ARHGAP32: variants seen among roughly 807,000 people sequenced by gnomAD.
The protein encoded by ARHGAP32 is rho GTPase-activating protein 32.
A neutral mutation model predicts 186.5 loss-of-function variants in ARHGAP32; 51 were observed. The ratio of observed to expected loss-of-function variants is 0.27; its 90% confidence interval spans 0.22 to 0.35. The LOEUF (loss-of-function observed/expected upper bound fraction) is 0.35. ARHGAP32 is among the 10% of genes least tolerant of loss of function. ARHGAP32 has a pLI of 1.00. For missense variants in ARHGAP32, 2,186 were observed against 2,623.5 expected (o/e 0.83, Z 3.64); for synonymous variants, 950 against 964.3 (o/e 0.99, Z 0.27).
intron 1 of ARHGAP32, among the ~76,000 whole-genome samples, chr11:129,212,531 A>T (rs1944594253): frequency 6.6e-6 from 1 of 152,194 alleles, no homozygotes; most frequent in African/African-American, 2.4e-5. Flanking sequence ...TACCAATATC[A>T]CTATACTAAC....
chr11:129,171,754 T>C (rs567217855), intron 1 of ARHGAP32, among the ~76,000 whole-genome samples: 14 of 152,304 alleles, frequency 9.2e-5, no homozygotes, highest in Non-Finnish European at 1.8e-4. Flanking sequence ...TATAAATTAC[T>C]TCAGGCAGTA....
rs60434028 is a variant in ARHGAP32, at chr11:129,060,336, C to CATAGATAGATAG, written c.963+1932_963+1943dup. 5.7e-3 allele frequency among the ~76,000 whole-genome samples: 849 copies of CATAGATAGATAG among 148,540 alleles called. 7 individuals are homozygous for CATAGATAGATAG. The highest frequency in any genetic ancestry group is 6.0e-3 in the Non-Finnish European group (406 of 67,334). ...CAAATGACTTCCCTAAGGTGTTACA[C>CATAGATAGATAG]ATAGATAGATAGATAGATAGATAGA... On this transcript the variant is annotated intron_variant, in intron 10 of 22. Transcript: ENST00000682385.
At chr11:129,151,797 C>T (rs1400231967) in intron 2 of ARHGAP32, among the ~76,000 whole-genome samples, 2 of 152,024 alleles carry the variant, frequency 1.3e-5, no homozygotes, top group Admixed American at 6.6e-5. Flanking sequence ...TCTAAGGTCA[C>T]ACCTCAAGGA....
intron 11 of ARHGAP32, among the ~76,000 whole-genome samples, chr11:129,011,798 AG>A (rs1938098627): frequency 6.6e-6 from 1 of 152,118 alleles, no homozygotes; most frequent in Non-Finnish European, 1.5e-5. Context: ...ACCTACTGAT[AG>A]GGAGTAATCT....
At chr11:128,976,698 C>T (rs558800570) in intron 19 of ARHGAP32, 64 bp from the exon 20 acceptor site, 19 of 1,384,810 alleles carry the variant, frequency 1.4e-5, no homozygotes, top group African/African-American at 1.3e-4. Context: ...TTAATGGGAT[C>T]GGTGTTTTTC....
chr11:129,248,388 T>C (rs1005914431), intron 1 of ARHGAP32, among the ~76,000 whole-genome samples: 1 of 152,198 alleles, frequency 6.6e-6, no homozygotes, highest in African/African-American at 2.4e-5. Flanking sequence ...TTTTTATTTA[T>C]GTCTTGGCTC....
In ARHGAP32 at chr11:129,013,802, G is replaced by A. The variant is rs974065764; in HGVS notation, c.1046-15334C>T. ...ACACAAGCACTGATCCCCACCTGTTGCTTTCCTGTTCAATATTACTAGTTA... is the reference window on the plus strand; with the variant it reads ...ACACAAGCACTGATCCCCACCTGTTACTTTCCTGTTCAATATTACTAGTTA... On this transcript the variant is annotated intron_variant, in intron 11 of 22. Coordinates refer to ENST00000682385, the MANE Select transcript of ARHGAP32 (RefSeq NM_001378024.1). Among the ~76,000 whole-genome samples the A allele has an allele frequency of 6.6e-5, 10 of 152,118 alleles. 1 individual carries two copies. Among genetic ancestry groups the A allele is most frequent in the African/African-American group, 2.4e-4 (10 of 41,428 alleles).
At chr11:129,141,925 C>A (rs536552981) in intron 2 of ARHGAP32, among the ~76,000 whole-genome samples, 1 of 152,190 alleles carries the variant, frequency 6.6e-6, no homozygotes, top group South Asian at 2.1e-4. Context: ...GTATTACTTA[C>A]AGCAACCATT....
chr11:129,270,558 G>T (rs985671680), intron 1 of ARHGAP32, among the ~76,000 whole-genome samples: 1 of 151,572 alleles, frequency 6.6e-6, no homozygotes, highest in Admixed American at 6.6e-5. Context: ...GTAACCTATG[G>T]ACTTCGGGTG....
intron 1 of ARHGAP32, among the ~76,000 whole-genome samples, chr11:129,213,079 T>C (rs190420226): frequency 6.6e-6 from 1 of 152,310 alleles, no homozygotes; most frequent in Non-Finnish European, 1.5e-5. Flanking sequence ...TCTTTCATAA[T>C]ATTATATTTC....
intron 11 of ARHGAP32, among the ~76,000 whole-genome samples, chr11:129,013,466 G>A (rs754483426): frequency 6.6e-6 from 1 of 152,174 alleles, no homozygotes; most frequent in Non-Finnish European, 1.5e-5. Context: ...GATTCCAAAA[G>A]CCTTCAAAGG....
chr11:129,186,442 G>A (rs1000142188), intron 1 of ARHGAP32, among the ~76,000 whole-genome samples: 6 of 152,138 alleles, frequency 3.9e-5, no homozygotes, highest in Non-Finnish European at 8.8e-5. Context: ...AAAATGTTCT[G>A]AGATTAAGGG....
At chr11:129,110,380 T>G (rs1022083627) in intron 5 of ARHGAP32, among the ~76,000 whole-genome samples, 4 of 152,202 alleles carry the variant, frequency 2.6e-5, no homozygotes, top group Non-Finnish European at 4.4e-5. Context: ...GTGTGATGTC[T>G]CCAGCATTGT....
At chr11:129,147,376 T>C (rs1415073975) in intron 2 of ARHGAP32, among the ~76,000 whole-genome samples, 3 of 152,176 alleles carry the variant, frequency 2.0e-5, no homozygotes, top group African/African-American at 7.2e-5. Context: ...ATGTCACCTT[T>C]GTTCCATTCA....
intron 1 of ARHGAP32, among the ~76,000 whole-genome samples, chr11:129,203,794 C>T (rs1944485132): frequency 6.7e-6 from 1 of 149,278 alleles, no homozygotes; most frequent in African/African-American, 2.4e-5. Flanking sequence ...CTCAGCTACT[C>T]GGGAGGCTGA....
At chr11:129,016,092 T>C (rs575354801) in intron 11 of ARHGAP32, among the ~76,000 whole-genome samples, 2 of 152,360 alleles carry the variant, frequency 1.3e-5, no homozygotes, top group East Asian at 3.9e-4. Flanking sequence ...TGAAATTATA[T>C]TTCACTTTAA....
chr11:128,970,883 T>C lies in ARHGAP32; in HGVS notation c.4330A>G (p.Ser1444Gly). ...ESKMIAAIHS[S>G]SADATSSSNY... The stretch of plus-strand genomic sequence containing the variant: ...GAACTGCTGGTGGCATCTGCACTGC[T>C]GGAGTGTATGGCAGCAATCATCTTA... Residue 1444 changes from serine to glycine, a missense_variant, in exon 23 of 23, where the codon AGC (serine) becomes GGC (glycine). Coordinates refer to ENST00000682385, the MANE Select transcript of ARHGAP32 (RefSeq NM_001378024.1). This position sits in a 1 kb window ranked among gnomAD's most constrained non-coding sequence, Gnocchi z 5.8. The C allele has an allele frequency of 6.2e-7, 1 of 1,614,214 alleles. No individual in the cohort carries two copies.
chr11:129,142,849 T>C (rs979368683), intron 2 of ARHGAP32, among the ~76,000 whole-genome samples: 4 of 151,818 alleles, frequency 2.6e-5, no homozygotes, highest in Non-Finnish European at 4.4e-5. Flanking sequence ...TTTGCCACTT[T>C]TCACTTTTTT....
At chr11:128,989,620 T>C (rs1012198318) in intron 12 of ARHGAP32, among the ~76,000 whole-genome samples, 5 of 151,972 alleles carry the variant, frequency 3.3e-5, no homozygotes, top group African/African-American at 1.2e-4. Flanking sequence ...TGCAGTTTTG[T>C]TACGTAAGTA....
Sources: gnomAD v4.1 joint callset for allele counts (sites outside exome capture counted in the v4.1 genomes callset) on GRCh38, gnomAD v4.1.1 for gene constraint, Gnocchi (gnomAD v3.1) non-coding constraint, MANE v1.5 for transcripts, NCBI Gene and HGNC (gene_info 2026-07-23, HGNC 2026-07-21) for gene names.